Variants in LETM1 observed in about 807,000 individuals in gnomAD.
LETM1 encodes mitochondrial proton/calcium exchanger protein.
Under a neutral mutation model 74.5 loss-of-function variants are expected in LETM1, and 50 were observed. The observed-to-expected ratio is 0.67, with a 90% CI of 0.53 to 0.85. LETM1 has a LOEUF of 0.85. LETM1 is among the 40% of genes least tolerant of loss of function. The probability of loss-of-function intolerance (pLI) is 0.00; values close to 1 mark genes in which losing one functional copy is unlikely to be tolerated. For missense variants in LETM1, 824 were observed against 967.8 expected (o/e 0.85, Z 1.97); for synonymous variants, 446 against 407.1 (o/e 1.10, Z -1.15).
chr4:1,855,488 C>A (rs1227918118), intron 1 of LETM1, among the ~76,000 whole-genome samples: 1 of 152,242 alleles, frequency 6.6e-6, no homozygotes, highest in Non-Finnish European at 1.5e-5. Flanking sequence ...GCCCTGCCCA[C>A]CCAGTCTCGT....
intron 8 of LETM1, 44 bp downstream of exon 8, chr4:1,823,600 A>T (rs1711873734): frequency 6.2e-7 from 1 of 1,609,916 alleles, no homozygotes; most frequent in Non-Finnish European, 8.5e-7. Flanking sequence ...GAGCGGAGCC[A>T]CCTATGAAGA....
intron 2 of LETM1, among the ~76,000 whole-genome samples, chr4:1,843,644 C>T (rs966617766): frequency 2.0e-5 from 3 of 152,198 alleles, no homozygotes; most frequent in African/African-American, 4.8e-5. Flanking sequence ...GCCTGGTGGA[C>T]ACCAATGAGG....
intron 6 of LETM1, 37 bp from the exon 7 acceptor site, chr4:1,825,720 T>C (rs201579165): frequency 1.6e-5 from 26 of 1,578,684 alleles, no homozygotes; most frequent in Non-Finnish European, 2.1e-5. Flanking sequence ...TCTGGGACAG[T>C]TGCTGGTGGG....
intron 1 of LETM1, among the ~76,000 whole-genome samples, chr4:1,854,522 G>A (rs763459610): frequency 2.6e-5 from 4 of 151,530 alleles, no homozygotes; most frequent in South Asian, 2.1e-4. Flanking sequence ...GGCCGGGCGC[G>A]GTGGCTCACG....
chr4:1,841,045 T>C (rs752840652), intron 3 of LETM1, among the ~76,000 whole-genome samples: 1 of 152,156 alleles, frequency 6.6e-6, no homozygotes, highest in Non-Finnish European at 1.5e-5. Context: ...AAGCAATCTA[T>C]AGAGTGAAAA....
chr4:1,820,775 G>A (rs1711748009), intron 10 of LETM1, among the ~76,000 whole-genome samples: 3 of 152,202 alleles, frequency 2.0e-5, no homozygotes, highest in Non-Finnish European at 1.5e-5. Context: ...TGTAAACCCA[G>A]CACTTTGGGA....
At chr4:1,816,187 G>T (rs1425926023) in intron 12 of LETM1, among the ~76,000 whole-genome samples, 1 of 152,248 alleles carries the variant, frequency 6.6e-6, no homozygotes, top group Admixed American at 6.5e-5. Context: ...ACGAGAGCAT[G>T]AGCAGGGTGC....
rs1712476112 is a variant in LETM1 at position 1,836,818 on chromosome 4, A to G, written c.595-246T>C. Among the ~76,000 whole-genome samples, 1 of 152,132 alleles carries G rather than the reference A, an allele frequency of 6.6e-6. No homozygotes were observed. Among genetic ancestry groups the G allele is most frequent in the South Asian group, 2.1e-4 (1 of 4,822 alleles). On this transcript the variant is annotated intron_variant, in intron 3 of 13. Transcript: ENST00000302787. This position sits in a 1 kb window ranked among gnomAD's most constrained non-coding sequence, Gnocchi z 5.8. ...GGGTATGGTGCTGACACCAAGGGCC[A>G]CTGGGTGCTCCCAGCGATCGAGTCC...
intron 6 of LETM1, among the ~76,000 whole-genome samples, chr4:1,830,268 T>G (rs550992419): frequency 3.0e-4 from 46 of 152,358 alleles, no homozygotes; most frequent in African/African-American, 1.1e-3. Context: ...ATTCTGCTGT[T>G]GAGCCCACCC....
chr4:1,821,144 GAC>G (rs1711761097), intron 10 of LETM1, among the ~76,000 whole-genome samples: 1 of 141,522 alleles, frequency 7.1e-6, no homozygotes, highest in Non-Finnish European at 1.5e-5. Flanking sequence ...TTTTTTTTGA[GAC>G]AGAGTCTCAC....
chr4:1,853,054 C>G (rs1372530847), intron 1 of LETM1, among the ~76,000 whole-genome samples: 1 of 152,210 alleles, frequency 6.6e-6, no homozygotes, highest in Non-Finnish European at 1.5e-5. Flanking sequence ...ACACACGCCC[C>G]ACAGGTCTGA....
At chr4:1,823,886 A>T (rs2108839359) in intron 7 of LETM1, 111 bp from the exon 8 acceptor site, 1 of 1,228,664 alleles carries the variant, frequency 8.1e-7, no homozygotes, top group South Asian at 1.5e-5. Flanking sequence ...CAGTGTCTCA[A>T]GTTCTACAAG....
At chr4:1,822,662 G>A (rs767705030) in intron 9 of LETM1, 76 of 347,056 alleles carry the variant, frequency 2.2e-4, no homozygotes, top group Middle Eastern at 7.4e-4. Context: ...CAGAGGCTGG[G>A]GGAGCCTGCA....
At chr4:1,855,244 G>A (rs1325132757) in intron 1 of LETM1, among the ~76,000 whole-genome samples, 2 of 152,212 alleles carry the variant, frequency 1.3e-5, no homozygotes, top group Non-Finnish European at 2.9e-5. Context: ...GTTAATTAGA[G>A]AGAGAGAGGA....
At chr4:1,818,280 G>T (rs1711640269) in intron 11 of LETM1, among the ~76,000 whole-genome samples, 2 of 152,148 alleles carry the variant, frequency 1.3e-5, no homozygotes, top group Admixed American at 1.3e-4. Flanking sequence ...TGAAAAATCA[G>T]TTATCATTCC....
intron 3 of LETM1, among the ~76,000 whole-genome samples, chr4:1,837,859 C>G (rs377159865): frequency 6.6e-6 from 1 of 151,890 alleles, no homozygotes. Context: ...TGCGCCACCA[C>G]GCCTAGCTAA....
At chr4:1,818,613 A>G (rs540645124) in intron 11 of LETM1, among the ~76,000 whole-genome samples, 1 of 152,122 alleles carries the variant, frequency 6.6e-6, no homozygotes, top group East Asian at 1.9e-4. Flanking sequence ...ACTTCGTCTC[A>G]AAAAAAGAAA....
chr4:1,814,457 C>G lies in LETM1; in HGVS notation c.2187G>C (p.Lys729Asn). The G allele has an allele frequency of 6.2e-7, 1 of 1,614,204 alleles. No individual in the cohort carries two copies. The highest frequency in any genetic ancestry group is 8.5e-7 in the Non-Finnish European group (1 of 1,179,990). ...KVEEKEKAKE[K>N]AEKEVAEVKS is the part of the protein sequence containing the mutation. ...TCACCTCTGCGACCTCCTTCTCTGC[C>G]TTCTCTTTGGCCTTCTCCTTCTCCT... Residue 729 changes from lysine (K) to asparagine (N), a missense_variant, in exon 14 of 14, where the codon AAG becomes AAC. By Grantham distance (94) the Lys-to-Asn change is moderately conservative (BLOSUM62 0). Around this residue, in one of 4 missense-constraint regions of LETM1, gnomAD observed 161 missense variants for 252.7 expected, o/e 0.64. Coordinates refer to ENST00000302787, the MANE Select transcript of LETM1 (RefSeq NM_012318.3).
chr4:1,839,143 T>C (rs1025334896), intron 3 of LETM1, among the ~76,000 whole-genome samples: 1 of 152,076 alleles, frequency 6.6e-6, no homozygotes, highest in East Asian at 1.9e-4. Context: ...GAGAATCTTT[T>C]CAGAACCGTG....
Sources: gnomAD v4.1 joint callset for allele counts (sites outside exome capture counted in the v4.1 genomes callset) on GRCh38, gnomAD v4.1.1 for gene constraint, gnomAD v4.1.1 regional missense constraint, Gnocchi (gnomAD v3.1) non-coding constraint, MANE v1.5 for transcripts, NCBI Gene and HGNC (gene_info 2026-07-23, HGNC 2026-07-21) for gene names.